AHCY: variants seen among roughly 807,000 people sequenced by gnomAD.
The protein encoded by AHCY is S-adenosyl-L-homocysteine hydrolase.
AHCY carries 24 observed loss-of-function variants against 45.4 expected under a neutral mutation model. The ratio of observed to expected loss-of-function variants is 0.53; its 90% CI spans 0.38 to 0.74. AHCY has a LOEUF of 0.74. Ranked by LOEUF, AHCY falls within the 30% of genes least tolerant of loss-of-function variation. The pLI, the probability that AHCY is intolerant of heterozygous loss-of-function variation, is 0.00. For missense variants in AHCY, 449 were observed against 594.1 expected (o/e 0.76, Z 2.54); for synonymous variants, 245 against 235.1 (o/e 1.04, Z -0.39).
intron 1 of AHCY, among the ~76,000 whole-genome samples, chr20:34,301,104 G>A (rs2036755251): frequency 6.6e-6 from 1 of 152,180 alleles, no homozygotes. Flanking sequence ...CTGAGTCCCA[G>A]CATTTACTAA....
At chr20:34,305,407 CTCTG>C (rs1432313065), upstream of AHCY, among the ~76,000 whole-genome samples, 1 of 151,988 alleles carries the variant, frequency 6.6e-6, no homozygotes, top group Non-Finnish European at 1.5e-5. Flanking sequence ...TACATCTGAC[CTCTG>C]TCTGAGAGTC....
At chr20:34,263,538 G>A in the AHCY span, among the ~76,000 whole-genome samples, 1 of 152,076 alleles carries the variant, frequency 6.6e-6, no homozygotes, top group East Asian at 1.9e-4. Flanking sequence ...CCAGCCTGGT[G>A]ACAAGAGTGA....
At chr20:34,244,938 A>G in the AHCY span, among the ~76,000 whole-genome samples, 1 of 152,198 alleles carries the variant, frequency 6.6e-6, no homozygotes, top group Non-Finnish European at 1.5e-5. Flanking sequence ...AGGAAGCCAA[A>G]TTCAAATTAT....
chr20:34,273,875 T>C, the AHCY span, among the ~76,000 whole-genome samples: 21 of 152,356 alleles, frequency 1.4e-4, no homozygotes, highest in Non-Finnish European at 2.1e-4. Flanking sequence ...AATGCTTTCA[T>C]GTTCATTACA....
upstream of AHCY, among the ~76,000 whole-genome samples, chr20:34,303,723 G>A (rs1311417875): frequency 6.6e-6 from 1 of 152,240 alleles, no homozygotes; most frequent in Admixed American, 6.5e-5. Context: ...GCCAGGCGCG[G>A]TGGCTCACAC....
the AHCY span, among the ~76,000 whole-genome samples, chr20:34,257,070 C>CTTTTTT: frequency 2.2e-5 from 3 of 139,418 alleles, no homozygotes; most frequent in Admixed American, 1.4e-4. Context: ...CTTTCTTTCT[C>CTTTTTT]TTTTTTTTTT....
the AHCY span, among the ~76,000 whole-genome samples, chr20:34,249,071 A>G: frequency 6.6e-6 from 1 of 151,330 alleles, no homozygotes; most frequent in African/African-American, 2.4e-5. Context: ...AGAGGTTACA[A>G]TGAGCTGAGA....
At chr20:34,237,264 C>CA in the AHCY span, among the ~76,000 whole-genome samples, 6 of 150,838 alleles carry the variant, frequency 4.0e-5, no homozygotes, top group Admixed American at 2.0e-4. Flanking sequence ...CTATTTCTGC[C>CA]AAAAAAAACC....
chr20:34,288,093 A>G (rs1342865556), intron 8 of AHCY, among the ~76,000 whole-genome samples: 1 of 152,194 alleles, frequency 6.6e-6, no homozygotes, highest in Non-Finnish European at 1.5e-5. Flanking sequence ...CAGGCCTTCT[A>G]GGCAGAGATG....
At chr20:34,244,959 C>T in the AHCY span, among the ~76,000 whole-genome samples, 1 of 152,260 alleles carries the variant, frequency 6.6e-6, no homozygotes, top group South Asian at 2.1e-4. Context: ...TTTTAAAAAT[C>T]ACTCAGCTTT....
chr20:34,302,515 G>T, intron 1 of AHCY: 1 of 775,206 alleles, frequency 1.3e-6, no homozygotes, highest in Non-Finnish European at 1.6e-6. Flanking sequence ...ATCATAAAAT[G>T]AGAACAGTTT....
At chr20:34,284,304 C>A (rs2036099571) in intron 9 of AHCY, among the ~76,000 whole-genome samples, 1 of 152,144 alleles carries the variant, frequency 6.6e-6, no homozygotes, top group Non-Finnish European at 1.5e-5. Flanking sequence ...GGACTACAGG[C>A]ATGCGCCACC....
the AHCY span, chr20:34,268,979 T>A: frequency 6.3e-7 from 1 of 1,595,958 alleles, no homozygotes; most frequent in East Asian, 2.3e-5. Context: ...AGCCCCGGCG[T>A]TTCCCACGCA....
At chr20:34,288,734 T>C (rs185306292) in intron 8 of AHCY, among the ~76,000 whole-genome samples, 44 of 152,264 alleles carry the variant, frequency 2.9e-4, no homozygotes, top group Admixed American at 2.6e-3. Flanking sequence ...GGACCAATTA[T>C]AGGAGAGATT....
At chr20:34,295,661 C>A in intron 1 of AHCY, 76 bp from the exon 2 acceptor site, 3 of 1,479,194 alleles carry the variant, frequency 2.0e-6, no homozygotes, top group Non-Finnish European at 1.9e-6. Flanking sequence ...CTGCATGGAC[C>A]CCGATCCACG....
At chr20:34,306,211 G>A (rs1224843796), upstream of AHCY, among the ~76,000 whole-genome samples, 1 of 151,734 alleles carries the variant, frequency 6.6e-6, no homozygotes, top group Non-Finnish European at 1.5e-5. Context: ...GCTAATATTT[G>A]TACCGTTAAG....
upstream of AHCY, among the ~76,000 whole-genome samples, chr20:34,306,079 C>CAAAAAAAAAAA (rs56039506): frequency 9.7e-6 from 1 of 103,100 alleles, no homozygotes. Context: ...AAGACTGCCT[C>CAAAAAAAAAAA]AAAAAAAAAA....
chr20:34,277,139 A>G (rs539192205), downstream of AHCY, among the ~76,000 whole-genome samples: 14 of 152,122 alleles, frequency 9.2e-5, no homozygotes, highest in South Asian at 2.1e-3. Flanking sequence ...TTATTTCTGG[A>G]CTGAAAAGGG....
chr20:34,243,564 T>C, the AHCY span, among the ~76,000 whole-genome samples: 1 of 152,076 alleles, frequency 6.6e-6, no homozygotes, highest in East Asian at 1.9e-4. Flanking sequence ...CTAAGAACTG[T>C]GGAGCACATG....
Sources: gnomAD v4.1 joint callset for allele counts (sites outside exome capture counted in the v4.1 genomes callset) on GRCh38, gnomAD v4.1.1 for gene constraint, MANE v1.5 for transcripts, NCBI Gene and HGNC (gene_info 2026-07-23, HGNC 2026-07-21) for gene names.